RBFOX1: variants seen among roughly 807,000 people sequenced by gnomAD.
The protein encoded by RBFOX1 is RNA binding fox-1 homolog 1.
RBFOX1 carries 8 observed loss-of-function variants against 57.7 expected under a neutral mutation model. The ratio of observed to expected loss-of-function variants is 0.14; its 90% CI spans 0.08 to 0.25. The LOEUF is 0.25. RBFOX1 is among the 10% of genes least tolerant of loss of function. The pLI is 1.00. For missense variants in RBFOX1, 611 were observed against 548.5 expected (o/e 1.11, Z -1.14); for synonymous variants, 326 against 222.4 (o/e 1.47, Z -4.15).
At chr16:5,380,337 G>C (rs772998972) in intron 1 of RBFOX1, among the ~76,000 whole-genome samples, 1 of 152,196 alleles carries the variant, frequency 6.6e-6, no homozygotes, top group Non-Finnish European at 1.5e-5. Context: ...CCCAAGGATA[G>C]ACGTACAGAG....
At chr16:6,764,435 T>G (rs1270615403) in intron 3 of RBFOX1, among the ~76,000 whole-genome samples, 1 of 152,192 alleles carries the variant, frequency 6.6e-6, no homozygotes, top group African/African-American at 2.4e-5. Context: ...TAATGCAGGT[T>G]AGCTTGATGA....
At chr16:6,653,073 C>T (rs1378492220) in intron 2 of RBFOX1, among the ~76,000 whole-genome samples, 3 of 152,136 alleles carry the variant, frequency 2.0e-5, no homozygotes, top group African/African-American at 7.2e-5. Context: ...GTGCATTTCC[C>T]CCTTGGGGCT....
At chr16:6,688,999 G>A (rs1488067795) in intron 3 of RBFOX1, among the ~76,000 whole-genome samples, 1 of 152,124 alleles carries the variant, frequency 6.6e-6, no homozygotes, top group Non-Finnish European at 1.5e-5. Flanking sequence ...AGTATTCCAT[G>A]GTTTATATGT....
At chr16:7,155,734 T>TACACACACAC (rs1347112963) in intron 4 of RBFOX1, among the ~76,000 whole-genome samples, 8 of 82,464 alleles carry the variant, frequency 9.7e-5, no homozygotes, top group African/African-American at 4.0e-4. Context: ...TATATATATA[T>TACACACACAC]ATATACACAC....
At chr16:7,518,680 A>G (rs1019134013) in intron 5 of RBFOX1, among the ~76,000 whole-genome samples, 1 of 151,866 alleles carries the variant, frequency 6.6e-6, no homozygotes, top group Admixed American at 6.6e-5. Context: ...TCCCAATGAA[A>G]TCTCATTTTT....
intron 1 of RBFOX1, among the ~76,000 whole-genome samples, chr16:5,432,696 C>T (rs1597044260): frequency 6.6e-6 from 1 of 151,820 alleles, no homozygotes; most frequent in Non-Finnish European, 1.5e-5. Context: ...GGTGCCCAGG[C>T]TCCGAGTTTA....
intron 1 of RBFOX1, among the ~76,000 whole-genome samples, chr16:6,185,179 C>T (rs1329312892): frequency 6.6e-6 from 1 of 152,122 alleles, no homozygotes; most frequent in Non-Finnish European, 1.5e-5. Context: ...TGCACAGGCT[C>T]TAATATATTC....
chr16:6,024,516 C>G (rs945294661), intron 1 of RBFOX1, among the ~76,000 whole-genome samples: 7 of 151,990 alleles, frequency 4.6e-5, no homozygotes, highest in Admixed American at 2.0e-4. Context: ...TGAAACAGAG[C>G]CTCACGTTGT....
intron 4 of RBFOX1, among the ~76,000 whole-genome samples, chr16:7,458,430 A>G (rs560663969): frequency 6.6e-6 from 1 of 152,300 alleles, no homozygotes; most frequent in African/African-American, 2.4e-5. Flanking sequence ...GAAAGAAAAT[A>G]GCTCATGCTA....
chr16:6,449,504 G>A (rs999530741), intron 2 of RBFOX1, among the ~76,000 whole-genome samples: 26 of 152,164 alleles, frequency 1.7e-4, no homozygotes, highest in African/African-American at 5.8e-4. Flanking sequence ...GAGCTGAGTG[G>A]TTTTATTTTC....
At chr16:6,513,829 G>A (rs755549958) in intron 2 of RBFOX1, among the ~76,000 whole-genome samples, 2 of 152,182 alleles carry the variant, frequency 1.3e-5, no homozygotes, top group African/African-American at 2.4e-5. Context: ...CAGTTCAAGC[G>A]AGAGGGTGGA....
intron 4 of RBFOX1, among the ~76,000 whole-genome samples, chr16:7,482,342 A>C (rs547263258): frequency 6.6e-6 from 1 of 152,238 alleles, no homozygotes; most frequent in Admixed American, 6.5e-5. Context: ...TACCGGTGAG[A>C]AAAATGAGGC....
At chr16:6,726,538 C>A (rs1490967610) in intron 3 of RBFOX1, among the ~76,000 whole-genome samples, 1 of 151,994 alleles carries the variant, frequency 6.6e-6, no homozygotes, top group African/African-American at 2.4e-5. Context: ...TGGACATGTT[C>A]AGGTTCTTGT....
chr16:5,298,604 TCCCCTCCCC>T (rs2063732061), intron 1 of RBFOX1, among the ~76,000 whole-genome samples: 1 of 11,488 alleles, frequency 8.7e-5, no homozygotes, highest in African/African-American at 4.6e-4. Context: ...TCCCCTCCTC[TCCCCTCCCC>T]TCCCCTCCTT....
At chr16:6,486,650 A>T (rs927157614) in intron 2 of RBFOX1, among the ~76,000 whole-genome samples, 1 of 134,302 alleles carries the variant, frequency 7.4e-6, no homozygotes, top group Non-Finnish European at 1.7e-5. Context: ...TTGAACCCTT[A>T]ATTTTATTAT....
chr16:7,669,429 A>C (rs972200936), intron 13 of RBFOX1, among the ~76,000 whole-genome samples: 3 of 152,234 alleles, frequency 2.0e-5, no homozygotes, highest in Non-Finnish European at 2.9e-5. Flanking sequence ...CTGGAATAAC[A>C]TAGTGAGGTG....
In RBFOX1 at chr16:6,610,921, A is replaced by G. The variant is rs530903970; in HGVS notation, c.-63-43682A>G. 3.3e-5 allele frequency among the ~76,000 whole-genome samples: 5 copies of G among 152,334 alleles called. No homozygotes were observed. In the South Asian group the frequency reaches 8.3e-4, roughly 25 times the overall value. On this transcript the variant is annotated intron_variant, in intron 2 of 15. Transcript: ENST00000550418. ...CCACTGATAACATATCTTAATATATAGTAGACCATAAAATGTGGAAGATCA... is the reference window on the plus strand; with the variant it reads ...CCACTGATAACATATCTTAATATATGGTAGACCATAAAATGTGGAAGATCA...
chr16:7,599,641 TTTTTTTTTTC>T lies in RBFOX1; in HGVS notation c.622+2220_622+2229del, dbSNP rs1439653105. ...AAGATGAAGAAATTAATAAAGACTTTTTTTTTTTTCTTTTTTTTTTTTGAGACAGGGTCTC... is the reference window on the plus strand; with the variant it reads ...AAGATGAAGAAATTAATAAAGACTTTTTTTTTTTTTTTGAGACAGGGTCTC... On this transcript the variant is annotated intron_variant, in intron 9 of 15. Coordinates refer to ENST00000550418, the MANE Select transcript of RBFOX1 (RefSeq NM_018723.4). 4.3e-3 allele frequency among the ~76,000 whole-genome samples: 146 copies of T among 34,234 alleles called. 3 individuals are homozygous for T. Among genetic ancestry groups the T allele is most frequent in the South Asian group, 0.017 (17 of 1,016 alleles). The allele number at this position is 34,234 out of a possible 152,430, so 22.5% of individuals were successfully genotyped here. A position where few individuals can be genotyped will look rare whatever the true frequency, so the allele number is the denominator to read the frequency against.
At chr16:6,787,175 G>T (rs1000897736) in intron 3 of RBFOX1, among the ~76,000 whole-genome samples, 1 of 152,148 alleles carries the variant, frequency 6.6e-6, no homozygotes, top group Non-Finnish European at 1.5e-5. Flanking sequence ...CAGATGTGTG[G>T]AGTGAAGGTC....
Sources: allele counts gnomAD v4.1 joint callset (sites outside exome capture counted in the v4.1 genomes callset), GRCh38; gene constraint gnomAD v4.1.1; transcripts MANE v1.5; gene names NCBI Gene and HGNC (gene_info 2026-07-23, HGNC 2026-07-21).